TAFA2: variants seen among roughly 807,000 people sequenced by gnomAD.
TAFA2 encodes the protein TAFA chemokine like family member 2.
A neutral mutation model predicts 18.8 loss-of-function variants in TAFA2; 7 were observed. That is an observed-to-expected ratio of 0.37 (90% CI 0.21 to 0.70). The LOEUF (loss-of-function observed/expected upper bound fraction) is 0.70, where lower values mean the gene tolerates loss of function less well. TAFA2 is among the 30% of genes least tolerant of loss of function. TAFA2 has a pLI of 0.53. For missense variants in TAFA2, 122 were observed against 158.1 expected (o/e 0.77, Z 1.23); for synonymous variants, 60 against 54.2 (o/e 1.11, Z -0.47).
chr12:61,782,432 TG>T (rs1174145256), intron 2 of TAFA2, among the ~76,000 whole-genome samples: 9 of 151,732 alleles, frequency 5.9e-5, no homozygotes, highest in African/African-American at 2.2e-4. Flanking sequence ...AGAAAATCTT[TG>T]AATCTGCCCA....
intron 2 of TAFA2, among the ~76,000 whole-genome samples, chr12:61,783,881 T>C (rs1870613277): frequency 6.6e-6 from 1 of 151,608 alleles, no homozygotes; most frequent in South Asian, 2.1e-4. Context: ...TAATCTTCCA[T>C]TTCAAGGCTT....
At chr12:61,768,602 C>A (rs930248527) in intron 2 of TAFA2, among the ~76,000 whole-genome samples, 7 of 152,052 alleles carry the variant, frequency 4.6e-5, no homozygotes, top group African/African-American at 1.7e-4. Context: ...TTGACCTTAC[C>A]TGGAGCTGAG....
intron 1 of TAFA2, among the ~76,000 whole-genome samples, chr12:61,998,527 AT>A (rs1880276395): frequency 6.6e-6 from 1 of 152,218 alleles, no homozygotes; most frequent in African/African-American, 2.4e-5. Flanking sequence ...ATATGCATAT[AT>A]AAAAGCATTT....
At chr12:62,250,149 T>C (rs569422900) in intron 1 of TAFA2, among the ~76,000 whole-genome samples, 50 of 152,166 alleles carry the variant, frequency 3.3e-4, no homozygotes, top group Non-Finnish European at 6.0e-4. Context: ...GTAAATTCAG[T>C]CTCTTTAAAA....
chr12:61,969,924 T>C (rs1223271903), intron 1 of TAFA2, among the ~76,000 whole-genome samples: 1 of 151,566 alleles, frequency 6.6e-6, no homozygotes, highest in Non-Finnish European at 1.5e-5. Flanking sequence ...CCAATATGGC[T>C]AAAGCAAACG....
intron 1 of TAFA2, among the ~76,000 whole-genome samples, chr12:62,236,388 C>T (rs989899133): frequency 1.1e-4 from 16 of 151,936 alleles, no homozygotes; most frequent in Non-Finnish European, 4.4e-5. Context: ...CCTCAGCCTC[C>T]CCAGTAGCTG....
intron 2 of TAFA2, among the ~76,000 whole-genome samples, chr12:61,856,736 T>A (rs1374721670): frequency 6.6e-6 from 1 of 151,934 alleles, no homozygotes; most frequent in Non-Finnish European, 1.5e-5. Context: ...CATTTTAGAA[T>A]TTGAGTCATT....
At chr12:61,760,581 T>TAAACAAGCAATTTAAATGGTAAA (rs2120788372) in intron 2 of TAFA2, among the ~76,000 whole-genome samples, 1 of 151,826 alleles carries the variant, frequency 6.6e-6, no homozygotes, top group African/African-American at 2.4e-5. Flanking sequence ...GTGGTATGTG[T>TAAACAAGCAATTTAAATGGTAAA]TTAATAAATG....
At chr12:61,726,016 T>C (rs1353302528) in intron 4 of TAFA2, among the ~76,000 whole-genome samples, 1 of 119,410 alleles carries the variant, frequency 8.4e-6, no homozygotes, top group East Asian at 2.6e-4. Context: ...AGAGTTTCTT[T>C]TTTCTTTTTT....
chr12:61,766,928 G>A (rs1869816570), intron 2 of TAFA2, among the ~76,000 whole-genome samples: 1 of 152,080 alleles, frequency 6.6e-6, no homozygotes, highest in Non-Finnish European at 1.5e-5. Flanking sequence ...AACCCTGGAT[G>A]GGGAGGTAAG....
intron 2 of TAFA2, among the ~76,000 whole-genome samples, chr12:61,854,358 C>T (rs1271976694): frequency 2.0e-5 from 3 of 152,060 alleles, no homozygotes; most frequent in African/African-American, 4.8e-5. Flanking sequence ...GGAAACAGCA[C>T]TGCTAGAAGA....
At chr12:62,198,714 G>A (rs2062659271) in intron 1 of TAFA2, among the ~76,000 whole-genome samples, 1 of 152,092 alleles carries the variant, frequency 6.6e-6, no homozygotes, top group Non-Finnish European at 1.5e-5. Context: ...ATGTAATCAA[G>A]TGAATGGAAG....
At chr12:61,823,473 G>A (rs1026782549) in intron 2 of TAFA2, among the ~76,000 whole-genome samples, 9 of 152,110 alleles carry the variant, frequency 5.9e-5, no homozygotes, top group African/African-American at 1.9e-4. Flanking sequence ...TTTGCTAAGA[G>A]CTCAGGGTCT....
chr12:62,198,642 G>A (rs1468645676), intron 1 of TAFA2, among the ~76,000 whole-genome samples: 1 of 152,120 alleles, frequency 6.6e-6, no homozygotes, highest in Non-Finnish European at 1.5e-5. Context: ...TCTAACTTAT[G>A]CAATAATGTG....
At chr12:61,859,475 G>C (rs1318558009) in intron 2 of TAFA2, among the ~76,000 whole-genome samples, 3 of 135,560 alleles carry the variant, frequency 2.2e-5, no homozygotes, top group East Asian at 4.3e-4. Flanking sequence ...ATGGAGTCTC[G>C]CTCTGTCGCC....
Position 61,801,671 on chromosome 12 carries a change from G to A in TAFA2, c.107-46647C>T, listed in dbSNP as rs558964866. Among the ~76,000 whole-genome samples the A allele has an allele frequency of 1.1e-4, 17 of 152,120 alleles. No individual in the cohort carries two copies. In the East Asian group the frequency reaches 1.7e-3, roughly 16 times the overall value. On this transcript the variant is annotated intron_variant, in intron 2 of 4. Coordinates refer to ENST00000416284, the MANE Select transcript of TAFA2 (RefSeq NM_178539.5). ...TTTAAAACTACTAGAAGAAAGCATC[G>A]GGGTAATGCTTAAGGACATTGGTTG...
At position 62,122,956 on chromosome 12, in the gene TAFA2, T is replaced by C. The variant is rs1455640760; in HGVS notation, c.-2+68303A>G. On this transcript the variant is annotated intron_variant, in intron 1 of 4. Coordinates refer to ENST00000416284, the MANE Select transcript of TAFA2 (RefSeq NM_178539.5). ...AGAACCCTCTTCTCTCATCTCAACA[T>C]GCATAAAACCAGTCATCATCTAGCT... is the stretch of plus-strand genomic sequence containing the variant. Among the ~76,000 whole-genome samples the C allele has an allele frequency of 3.3e-5, 5 of 152,314 alleles. No homozygotes were observed. In the East Asian group the frequency reaches 7.7e-4, roughly 24 times the overall value.
At chr12:61,916,462 GTCA>G (rs1448955974) in intron 1 of TAFA2, among the ~76,000 whole-genome samples, 5 of 152,144 alleles carry the variant, frequency 3.3e-5, no homozygotes, top group Admixed American at 3.3e-4. Context: ...TTGATAAATG[GTCA>G]TCATTGTTCT....
At chr12:62,237,680 G>A (rs2062844347) in intron 1 of TAFA2, among the ~76,000 whole-genome samples, 1 of 152,206 alleles carries the variant, frequency 6.6e-6, no homozygotes, top group African/African-American at 2.4e-5. Context: ...TCTAGGATAT[G>A]TTTACCTAGA....
Sources: allele counts gnomAD v4.1 joint callset (sites outside exome capture counted in the v4.1 genomes callset), GRCh38; gene constraint gnomAD v4.1.1; transcripts MANE v1.5; gene names NCBI Gene and HGNC (gene_info 2026-07-23, HGNC 2026-07-21).